AFF1: variants seen among roughly 807,000 people sequenced by gnomAD.
AFF1 encodes ALF transcription elongation factor 1.
A neutral mutation model predicts 121.7 loss-of-function variants in AFF1; 48 were observed. The ratio of observed to expected loss-of-function variants is 0.39; its 90% confidence interval spans 0.31 to 0.50. The LOEUF (loss-of-function observed/expected upper bound fraction) is 0.50, where lower values mean the gene tolerates loss of function less well. AFF1 is among the 20% of genes least tolerant of loss of function. The pLI is 0.76. For missense variants in AFF1, 1,523 were observed against 1,511.7 expected (o/e 1.01, Z -0.12); for synonymous variants, 613 against 563.0 (o/e 1.09, Z -1.26).
chr4:87,053,472 A>G (rs1388725595), intron 4 of AFF1, among the ~76,000 whole-genome samples: 2 of 152,222 alleles, frequency 1.3e-5, no homozygotes, highest in Non-Finnish European at 2.9e-5. Context: ...ATATACAAAC[A>G]TTCTTTCCTA....
chr4:87,084,365 C>T (rs113334530), intron 5 of AFF1, among the ~76,000 whole-genome samples: 24 of 151,912 alleles, frequency 1.6e-4, no homozygotes, highest in African/African-American at 5.3e-4. Context: ...ATAGCAAAAC[C>T]CCGTATCTAC....
In AFF1 at chr4:87,135,623, C is replaced by T; in HGVS notation, c.3579C>T (p.Leu1193=). ...GCACAAATGTGTGCACCTTGGCCCT[C>T]AACAGCAGTTTGGTGGACCTGGTGC... The part of the protein sequence containing the change: ...RLSTNVCTLA[L]NSSLVDLVHY... Residue 1193 remains leucine, a synonymous_variant, in exon 21 of 21, where the codon CTC becomes CTT. Coordinates refer to ENST00000395146, the MANE Select transcript of AFF1 (RefSeq NM_001166693.3). The T allele has an allele frequency of 6.2e-7, 1 of 1,612,228 alleles. No individual in the cohort carries two copies. Among genetic ancestry groups the T allele is most frequent in the Non-Finnish European group, 8.5e-7 (1 of 1,179,110 alleles).
In AFF1 at chr4:87,138,549, TTTTA is replaced by T. The variant is rs1729482686; in HGVS notation, c.*2852_*2855del. The T allele has an allele frequency of 7.4e-6, 1 of 135,318 alleles. No individual in the cohort carries two copies. Among genetic ancestry groups the T allele is most frequent in the South Asian group, 4.0e-4 (1 of 2,526 alleles). 8.4% of individuals were successfully genotyped at this position (135,318 alleles called of 1,614,324 possible). On this transcript the variant is annotated 3_prime_UTR_variant, in exon 21 of 21. Coordinates refer to ENST00000395146, the MANE Select transcript of AFF1 (RefSeq NM_001166693.3). Reference sequence around the variant, plus strand: ...TTTAGTAGGAAATGGAAGAACACTGTTTTATTTTTTAAAGTGTTTAATGTTTCTG... The same window carrying T: ...TTTAGTAGGAAATGGAAGAACACTGTTTTTTTAAAGTGTTTAATGTTTCTG...
intron 1 of AFF1, among the ~76,000 whole-genome samples, chr4:86,945,079 G>A (rs1720755107): frequency 6.6e-6 from 1 of 152,200 alleles, no homozygotes; most frequent in African/African-American, 2.4e-5. Context: ...ATTTAGTGTG[G>A]ATATAGCTGC....
At chr4:87,067,438 C>T (rs2280953) in intron 4 of AFF1, among the ~76,000 whole-genome samples, 59,457 of 151,948 alleles carry the variant, frequency 0.39, 11,831 homozygotes, top group Middle Eastern at 0.42. Flanking sequence ...TAAAGTGTAA[C>T]TTCACGAGAA....
At chr4:87,128,017 CA>C (rs1189374852) in intron 16 of AFF1, among the ~76,000 whole-genome samples, 1 of 152,166 alleles carries the variant, frequency 6.6e-6, no homozygotes, top group Non-Finnish European at 1.5e-5. Context: ...CTAAGTAAGT[CA>C]AAGTTAATCT....
At chr4:86,955,414 T>C (rs1199156435) in intron 2 of AFF1, among the ~76,000 whole-genome samples, 1 of 152,234 alleles carries the variant, frequency 6.6e-6, no homozygotes, top group African/African-American at 2.4e-5. Context: ...AATTTCTTTT[T>C]CCTTATTGAA....
chr4:87,115,119 T>C lies in AFF1; in HGVS notation c.2286T>C (p.Thr762=), dbSNP rs1439479717. Residue 762 remains threonine, a synonymous_variant, in exon 12 of 21, where the codon ACT becomes ACC. Coordinates refer to ENST00000395146, the MANE Select transcript of AFF1 (RefSeq NM_001166693.3). ...DTKLLSPLRD[T]PPPQSLMVKI... is the part of the protein sequence containing the mutation. ...AGCTGCTCTCACCGCTCAGGGACACTCCTCCCCCACAAAGCTTGATGGTGA... is the reference window on the plus strand; with the variant it reads ...AGCTGCTCTCACCGCTCAGGGACACCCCTCCCCCACAAAGCTTGATGGTGA... 6.2e-7 allele frequency: 1 copy of C among 1,613,822 alleles called. No individual in the cohort carries two copies. The highest frequency in any genetic ancestry group is 8.5e-7 in the Non-Finnish European group (1 of 1,179,972).
At chr4:87,002,439 T>G (rs2149522234) in intron 2 of AFF1, among the ~76,000 whole-genome samples, 2 of 145,766 alleles carry the variant, frequency 1.4e-5, no homozygotes, top group Admixed American at 1.4e-4. Context: ...TTTTTTTTTT[T>G]TTTTTTTTTT....
chr4:87,065,199 T>C (rs1721214784), intron 4 of AFF1, among the ~76,000 whole-genome samples: 1 of 152,172 alleles, frequency 6.6e-6, no homozygotes, highest in Non-Finnish European at 1.5e-5. Flanking sequence ...AGCCTCACAG[T>C]CATGCGGAAG....
intron 2 of AFF1, among the ~76,000 whole-genome samples, chr4:86,979,936 A>T (rs1723602352): frequency 6.6e-6 from 1 of 152,160 alleles, no homozygotes; most frequent in Admixed American, 6.5e-5. Flanking sequence ...TTTGAGACAG[A>T]GTCTCACTCT....
chr4:87,056,447 G>A (rs1456409332), intron 4 of AFF1, among the ~76,000 whole-genome samples: 1 of 152,004 alleles, frequency 6.6e-6, no homozygotes, highest in Non-Finnish European at 1.5e-5. Flanking sequence ...AAAATACCCC[G>A]AAGCAAGTAT....
intron 4 of AFF1, among the ~76,000 whole-genome samples, chr4:87,054,330 G>T (rs1310510483): frequency 1.3e-5 from 2 of 152,180 alleles, no homozygotes; most frequent in African/African-American, 4.8e-5. Context: ...CGGGCACAAG[G>T]ATCACACTGA....
chr4:87,013,041 T>TG (rs201557382), intron 2 of AFF1, among the ~76,000 whole-genome samples: 18 of 83,526 alleles, frequency 2.2e-4, no homozygotes, highest in African/African-American at 9.9e-4. Context: ...TCTTTTTTTT[T>TG]TTTTTTTTTT....
At chr4:87,068,604 G>C (rs1721628207) in intron 4 of AFF1, among the ~76,000 whole-genome samples, 1 of 152,226 alleles carries the variant, frequency 6.6e-6, no homozygotes, top group Non-Finnish European at 1.5e-5. Flanking sequence ...TACGCACATG[G>C]TGCTTTGCAC....
intron 7 of AFF1, among the ~76,000 whole-genome samples, chr4:87,092,849 A>T (rs1724455126): frequency 6.6e-6 from 1 of 152,152 alleles, no homozygotes; most frequent in Admixed American, 6.5e-5. Flanking sequence ...AAGATTGGGA[A>T]ATCTTTTTTC....
chr4:87,071,543 C>A (rs958404958), intron 4 of AFF1, among the ~76,000 whole-genome samples: 3 of 152,082 alleles, frequency 2.0e-5, no homozygotes, highest in African/African-American at 7.2e-5. Flanking sequence ...TCCTTCCCCA[C>A]CCCCAAGCTG....
chr4:87,105,712 A>G, intron 9 of AFF1, 30 bp downstream of exon 9: 1 of 1,614,034 alleles, frequency 6.2e-7, no homozygotes, highest in Non-Finnish European at 8.5e-7. Context: ...TAATACCAGG[A>G]GTCCTTTTAA....
intron 2 of AFF1, among the ~76,000 whole-genome samples, chr4:87,011,520 C>T (rs370785269): frequency 6.6e-6 from 1 of 151,962 alleles, no homozygotes; most frequent in South Asian, 2.1e-4. Flanking sequence ...CTAGTGATTA[C>T]CTTGGAAGAA....
Sources: allele counts gnomAD v4.1 joint callset (sites outside exome capture counted in the v4.1 genomes callset), GRCh38; gene constraint gnomAD v4.1.1; transcripts MANE v1.5; gene names NCBI Gene and HGNC (gene_info 2026-07-23, HGNC 2026-07-21).